The following AGBL3 variants were observed in gnomAD, a reference collection of about 807,000 sequenced individuals.
AGBL3 encodes the protein cytosolic carboxypeptidase 3.
Under a neutral mutation model 94.5 loss-of-function variants are expected in AGBL3, and 68 were observed. That is an observed-to-expected ratio of 0.72 (90% CI 0.59 to 0.88). AGBL3 has a LOEUF of 0.88. Among genes scored for constraint, AGBL3 ranks in the 40% least tolerant of loss-of-function variants. The pLI is 0.00. For missense variants in AGBL3, 934 were observed against 1,103.8 expected, an observed-to-expected ratio of 0.85 and a Z score of 2.18; for synonymous variants, 354 against 370.7, an observed-to-expected ratio of 0.95 and a Z score of 0.52.
intron 15 of AGBL3, among the ~76,000 whole-genome samples, chr7:135,091,592 C>T (rs1821863961): frequency 6.6e-6 from 1 of 152,148 alleles, no homozygotes; most frequent in Admixed American, 6.5e-5. Context: ...ATCTTGCTGA[C>T]ATTACTCTGA....
intron 15 of AGBL3, among the ~76,000 whole-genome samples, chr7:135,113,594 C>G (rs1444477666): frequency 1.3e-5 from 2 of 152,124 alleles, no homozygotes; most frequent in Non-Finnish European, 2.9e-5. Flanking sequence ...TTTTAAATGT[C>G]TGACTACTAG....
intron 13 of AGBL3, among the ~76,000 whole-genome samples, chr7:135,079,573 C>T (rs1820746936): frequency 6.6e-6 from 1 of 151,838 alleles, no homozygotes; most frequent in Non-Finnish European, 1.5e-5. Flanking sequence ...TTAAGCAATT[C>T]TCCTGCCTCA....
At chr7:135,040,283 T>A (rs909856478) in intron 8 of AGBL3, among the ~76,000 whole-genome samples, 3 of 152,136 alleles carry the variant, frequency 2.0e-5, no homozygotes, top group Non-Finnish European at 4.4e-5. Flanking sequence ...TTCCCGGGAT[T>A]ACCATGATAC....
intron 4 of AGBL3, chr7:135,009,962 C>T (rs370106669): frequency 5.7e-5 from 24 of 419,282 alleles, no homozygotes; most frequent in South Asian, 1.9e-4. Flanking sequence ...GGTGGGTTGG[C>T]GAAAAGTCAT....
chr7:135,053,102 T>G (rs966154761), intron 11 of AGBL3, among the ~76,000 whole-genome samples: 2 of 152,208 alleles, frequency 1.3e-5, no homozygotes, highest in Non-Finnish European at 2.9e-5. Flanking sequence ...CAATTTTAAA[T>G]GAAAGCGTCC....
chr7:135,018,161 C>A (rs912340544), intron 5 of AGBL3, among the ~76,000 whole-genome samples: 1 of 152,136 alleles, frequency 6.6e-6, no homozygotes, highest in Non-Finnish European at 1.5e-5. Flanking sequence ...CAGAGGAGAA[C>A]CATGTCTGCT....
At chr7:135,095,424 AAAT>A (rs1822519063) in intron 15 of AGBL3, among the ~76,000 whole-genome samples, 2 of 152,224 alleles carry the variant, frequency 1.3e-5, no homozygotes, top group Admixed American at 6.5e-5. Flanking sequence ...AGACAAAAAC[AAAT>A]ATCCTAGAGG....
At chr7:134,993,417 A>AGGAACTATAT in intron 3 of AGBL3, 76 bp from the exon 4 acceptor site, 1 of 1,246,806 alleles carries the variant, frequency 8.0e-7, no homozygotes, top group South Asian at 1.8e-5. Context: ...AAAGGAAAAA[A>AGGAACTATAT]GGAACTATAT....
At chr7:135,027,485 C>T (rs1423257442) in intron 5 of AGBL3, among the ~76,000 whole-genome samples, 1 of 151,324 alleles carries the variant, frequency 6.6e-6, no homozygotes, top group African/African-American at 2.4e-5. Context: ...TTATTCCTTC[C>T]TGTAGATCTG....
chr7:135,019,249 G>A (rs1327951166), intron 5 of AGBL3, among the ~76,000 whole-genome samples: 1 of 152,092 alleles, frequency 6.6e-6, no homozygotes, highest in Non-Finnish European at 1.5e-5. Flanking sequence ...TAAATGCTGT[G>A]TCATATATAT....
intron 4 of AGBL3, chr7:135,011,921 C>G (rs1813205789): frequency 6.6e-6 from 1 of 152,028 alleles, no homozygotes; most frequent in South Asian, 2.1e-4. Context: ...AGTTGTATAC[C>G]TAAAACTGAT....
chr7:135,122,064 C>G, intron 16 of AGBL3, among the ~76,000 whole-genome samples: 1 of 152,206 alleles, frequency 6.6e-6, no homozygotes, highest in Non-Finnish European at 1.5e-5. Context: ...TGCCTGCTGT[C>G]TAAGCCGTTT....
chr7:135,080,079 A>C, intron 13 of AGBL3, 124 bp from the exon 14 acceptor site: 1 of 771,310 alleles, frequency 1.3e-6, no homozygotes, highest in Non-Finnish European at 2.0e-6. Flanking sequence ...GGTCATTCTA[A>C]ACCTGTAAGG....
At position 135,047,186 on chromosome 7, in the gene AGBL3, G is replaced by A. The variant is rs187951988; in HGVS notation, c.1841+1275G>A. Among the ~76,000 whole-genome samples the A allele has an allele frequency of 2.8e-3, 428 of 152,058 alleles. 1 individual carries two copies. The highest frequency in any genetic ancestry group is 9.8e-3 in the African/African-American group (408 of 41,526). Reference sequence around the variant, plus strand: ...TTCTGTGATTGGCTTATTTCACTTAGTGTAATGTCCTTGCTGTTTATCCAT... The same window carrying A: ...TTCTGTGATTGGCTTATTTCACTTAATGTAATGTCCTTGCTGTTTATCCAT... On this transcript the variant is annotated intron_variant, in intron 11 of 16. Transcript: ENST00000436302.
At chr7:135,031,089 T>G (rs1448347540) in intron 5 of AGBL3, among the ~76,000 whole-genome samples, 5 of 152,078 alleles carry the variant, frequency 3.3e-5, no homozygotes, top group Non-Finnish European at 5.9e-5. Context: ...TGAATATATA[T>G]TCAAAGTCCT....
intron 4 of AGBL3, chr7:134,995,274 G>A (rs368563048): frequency 1.3e-5 from 2 of 152,130 alleles, no homozygotes; most frequent in South Asian, 2.1e-4. Flanking sequence ...AGACCCCGTC[G>A]GGCCACTGCT....
chr7:135,019,948 C>T (rs1431887101), intron 5 of AGBL3, among the ~76,000 whole-genome samples: 1 of 152,114 alleles, frequency 6.6e-6, no homozygotes, highest in Non-Finnish European at 1.5e-5. Context: ...AGACCTAAAA[C>T]CATAAAAACC....
At chr7:135,022,930 C>A (rs1259535661) in intron 5 of AGBL3, among the ~76,000 whole-genome samples, 1 of 151,894 alleles carries the variant, frequency 6.6e-6, no homozygotes, top group Non-Finnish European at 1.5e-5. Context: ...CTTTGTCTGC[C>A]TTCATTGACA....
intron 12 of AGBL3, among the ~76,000 whole-genome samples, chr7:135,064,888 G>A (rs1819145901): frequency 6.6e-6 from 1 of 152,204 alleles, no homozygotes; most frequent in South Asian, 2.1e-4. Context: ...TAGGGACAAG[G>A]CTGGCTTTTG....
Sources: gnomAD v4.1 joint callset for allele counts (sites outside exome capture counted in the v4.1 genomes callset) on GRCh38, gnomAD v4.1.1 for gene constraint, MANE v1.5 for transcripts, NCBI Gene and HGNC (gene_info 2026-07-23, HGNC 2026-07-21) for gene names.